SLC25A21: variants seen among roughly 807,000 people sequenced by gnomAD.
SLC25A21 encodes the protein mitochondrial 2-oxodicarboxylate carrier.
SLC25A21 carries 47 observed loss-of-function variants against 43.8 expected under a neutral mutation model. That is an observed-to-expected ratio of 1.07 (90% confidence interval 0.85 to 1.37). The LOEUF is 1.37. Among genes scored for constraint, SLC25A21 ranks in the 40% most tolerant of loss-of-function variants. The pLI is 0.00. For missense variants in SLC25A21, 352 were observed against 350.2 expected, an observed-to-expected ratio of 1.00 and a Z score of -0.04; for synonymous variants, 131 against 121.3, an observed-to-expected ratio of 1.08 and a Z score of -0.52.
chr14:37,043,242 T>C (rs537676818), intron 1 of SLC25A21, among the ~76,000 whole-genome samples: 1 of 152,302 alleles, frequency 6.6e-6, no homozygotes, highest in East Asian at 1.9e-4. Context: ...CCAGTTGTAC[T>C]CTTCTGTAAT....
intron 2 of SLC25A21, among the ~76,000 whole-genome samples, chr14:36,856,930 T>A (rs1889917410): frequency 6.6e-6 from 1 of 152,212 alleles, no homozygotes. Flanking sequence ...TGCTGTGCTA[T>A]CCAAGGAAGC....
intron 3 of SLC25A21, among the ~76,000 whole-genome samples, chr14:36,748,579 T>G (rs1440025915): frequency 6.6e-6 from 1 of 152,206 alleles, no homozygotes; most frequent in African/African-American, 2.4e-5. Flanking sequence ...GGTTAGCTAT[T>G]TCCCTACCAA....
At chr14:36,899,075 C>T (rs530267811) in intron 1 of SLC25A21, among the ~76,000 whole-genome samples, 2 of 152,010 alleles carry the variant, frequency 1.3e-5, no homozygotes, top group African/African-American at 4.8e-5. Context: ...TAAACACAGA[C>T]AATTTTATCT....
rs1300377206 is a variant in SLC25A21 at position 37,047,087 on chromosome 14, G to A, written c.70+125194C>T. On this transcript the variant is annotated intron_variant, in intron 1 of 9. Transcript: ENST00000331299. ...AGAACTATGAAACAATTTAACCGGA[G>A]TCTTCCTTCTGAGACTCCTACAACT... 5.9e-5 allele frequency among the ~76,000 whole-genome samples: 9 copies of A among 152,292 alleles called. No homozygotes were observed. In the South Asian group the frequency reaches 1.9e-3, roughly 32 times the overall value.
At chr14:36,868,195 C>T (rs182791066) in intron 2 of SLC25A21, among the ~76,000 whole-genome samples, 16 of 152,226 alleles carry the variant, frequency 1.1e-4, no homozygotes, top group Admixed American at 4.6e-4. Context: ...AGAAACTACC[C>T]TTTGGCCTTC....
At chr14:36,921,456 G>A (rs894129054) in intron 1 of SLC25A21, among the ~76,000 whole-genome samples, 2 of 152,032 alleles carry the variant, frequency 1.3e-5, no homozygotes, top group African/African-American at 4.8e-5. Flanking sequence ...CTCAAACGAG[G>A]ACATTAGAAA....
chr14:37,166,921 G>A (rs1054509471), intron 1 of SLC25A21, among the ~76,000 whole-genome samples: 103 of 152,126 alleles, frequency 6.8e-4, no homozygotes, highest in Admixed American at 2.3e-3. Flanking sequence ...AACAGGGATC[G>A]AAAGCCTCTA....
chr14:37,017,131 A>C (rs1960874645), intron 1 of SLC25A21, among the ~76,000 whole-genome samples: 1 of 152,024 alleles, frequency 6.6e-6, no homozygotes, highest in Non-Finnish European at 1.5e-5. Flanking sequence ...AATTTGGCTA[A>C]CTGTTTAGTG....
At chr14:37,058,703 C>T (rs538901828) in intron 1 of SLC25A21, among the ~76,000 whole-genome samples, 35 of 152,280 alleles carry the variant, frequency 2.3e-4, no homozygotes, top group African/African-American at 8.2e-4. Context: ...TTTGGGGACT[C>T]TAGGGTTTGA....
intron 3 of SLC25A21, among the ~76,000 whole-genome samples, chr14:36,774,274 T>C (rs1310375545): frequency 1.3e-5 from 2 of 152,232 alleles, no homozygotes; most frequent in Non-Finnish European, 2.9e-5. Flanking sequence ...TCTAATCAAT[T>C]ACTCAGCAGG....
At chr14:37,059,181 A>G (rs8008894) in intron 1 of SLC25A21, among the ~76,000 whole-genome samples, 34,696 of 152,208 alleles carry the variant, frequency 0.23, 4,580 homozygotes, top group Non-Finnish European at 0.29. Context: ...GTCCACATTT[A>G]CAGAGTGTTT....
intron 6 of SLC25A21, among the ~76,000 whole-genome samples, chr14:36,717,928 C>T (rs556801670): frequency 2.6e-5 from 4 of 152,112 alleles, no homozygotes; most frequent in African/African-American, 7.2e-5. Flanking sequence ...TTCACAGTGG[C>T]GACCAGTGGG....
intron 1 of SLC25A21, among the ~76,000 whole-genome samples, chr14:36,979,698 A>C (rs1056208925): frequency 6.6e-6 from 1 of 152,204 alleles, no homozygotes; most frequent in Non-Finnish European, 1.5e-5. Context: ...GTCTAAATAT[A>C]AACAACTTTT....
chr14:36,731,559 A>T (rs1304172041), intron 4 of SLC25A21, among the ~76,000 whole-genome samples: 2 of 152,228 alleles, frequency 1.3e-5, no homozygotes, highest in African/African-American at 2.4e-5. Flanking sequence ...CAAAGGAATC[A>T]TAGAGGCCTT....
At chr14:36,749,556 A>G (rs1221214046) in intron 3 of SLC25A21, among the ~76,000 whole-genome samples, 1 of 152,128 alleles carries the variant, frequency 6.6e-6, no homozygotes, top group Non-Finnish European at 1.5e-5. Flanking sequence ...TCTCCCTCAG[A>G]GCAAAACCAA....
chr14:36,776,823 A>G (rs531788254), intron 3 of SLC25A21, among the ~76,000 whole-genome samples: 13 of 152,150 alleles, frequency 8.5e-5, no homozygotes, highest in Admixed American at 2.6e-4. Flanking sequence ...CCAGCTCCCC[A>G]CCTTCACATC....
At chr14:36,697,217 G>A (rs1883067673) in intron 7 of SLC25A21, among the ~76,000 whole-genome samples, 1 of 152,182 alleles carries the variant, frequency 6.6e-6, no homozygotes, top group African/African-American at 2.4e-5. Context: ...TACTTGTGCA[G>A]TTTTGAGTGA....
intron 1 of SLC25A21, among the ~76,000 whole-genome samples, chr14:37,005,206 G>GCACACACACACACGCAAATGCA (rs1555341555): frequency 4.7e-5 from 7 of 150,506 alleles, no homozygotes; most frequent in African/African-American, 1.7e-4. Context: ...ACATGCAAAT[G>GCACACACACACACGCAAATGCA]CACACACACA....
At chr14:36,735,324 A>G (rs1884986546) in intron 3 of SLC25A21, among the ~76,000 whole-genome samples, 1 of 152,236 alleles carries the variant, frequency 6.6e-6, no homozygotes, top group African/African-American at 2.4e-5. Context: ...TTTATTTCTT[A>G]TTATATTTTT....
Sources: gnomAD v4.1 joint callset for allele counts (sites outside exome capture counted in the v4.1 genomes callset) on GRCh38, gnomAD v4.1.1 for gene constraint, MANE v1.5 for transcripts, NCBI Gene and HGNC (gene_info 2026-07-23, HGNC 2026-07-21) for gene names.